LMAN1: variants seen among roughly 807,000 people sequenced by gnomAD.
The protein encoded by LMAN1 is lectin, mannose binding 1, also known as protein ERGIC-53.
Under a neutral mutation model 67.8 loss-of-function variants are expected in LMAN1, and 32 were observed. That is an observed-to-expected ratio of 0.47 (90% confidence interval 0.36 to 0.63). The LOEUF is 0.63. LMAN1 is among the 30% of genes least tolerant of loss of function. The pLI, the probability that LMAN1 is intolerant of heterozygous loss-of-function variation, is 0.00. For synonymous variants in LMAN1, 235 were observed against 219.3 expected, an observed-to-expected ratio of 1.07 and a Z score of -0.63; for missense variants, 632 against 628.2, an observed-to-expected ratio of 1.01 and a Z score of -0.06.
At chr18:59,342,732 TG>T in intron 8 of LMAN1, among the ~76,000 whole-genome samples, 1 of 152,148 alleles carries the variant, frequency 6.6e-6, no homozygotes, top group South Asian at 2.1e-4. Context: ...CTTTAAGAAC[TG>T]GAACAAGACA....
At chr18:59,336,914 A>T (rs1453326854) in intron 10 of LMAN1, among the ~76,000 whole-genome samples, 1 of 148,294 alleles carries the variant, frequency 6.7e-6, no homozygotes, top group African/African-American at 2.4e-5. Context: ...ACATAAAAAT[A>T]AAAATTAAAA....
intron 11 of LMAN1, 118 bp from the exon 12 acceptor site, chr18:59,331,657 C>A: frequency 1.7e-6 from 2 of 1,204,264 alleles, no homozygotes; most frequent in South Asian, 1.3e-5. Context: ...ATTTTTTCAT[C>A]CCCCAGAAAA....
At chr18:59,351,853 T>C (rs576262804) in intron 5 of LMAN1, among the ~76,000 whole-genome samples, 2 of 152,122 alleles carry the variant, frequency 1.3e-5, no homozygotes, top group Non-Finnish European at 2.9e-5. Flanking sequence ...GGTGAATAAT[T>C]ATAGTGGAAT....
At chr18:59,347,015 G>A (rs1240615670) in intron 7 of LMAN1, among the ~76,000 whole-genome samples, 1 of 151,866 alleles carries the variant, frequency 6.6e-6, no homozygotes, top group East Asian at 2.0e-4. Flanking sequence ...CGGATCACAA[G>A]GTCAGGAGAT....
At chr18:59,338,682 T>G (rs943679078) in intron 9 of LMAN1, 55 bp from the exon 10 acceptor site, 3 of 1,602,602 alleles carry the variant, frequency 1.9e-6, no homozygotes, top group African/African-American at 2.7e-5. Context: ...TATGAGCACA[T>G]AGTACAGTTG....
At chr18:59,354,093 A>G (rs7244462) in intron 4 of LMAN1, among the ~76,000 whole-genome samples, 34,860 of 152,104 alleles carry the variant, frequency 0.23, 4,173 homozygotes, top group Non-Finnish European at 0.27. Context: ...ATCTCTGCAA[A>G]CCACTGAGTC....
At chr18:59,349,846 G>C (rs1477451406) in intron 5 of LMAN1, among the ~76,000 whole-genome samples, 1 of 152,164 alleles carries the variant, frequency 6.6e-6, no homozygotes, top group East Asian at 1.9e-4. Context: ...TAGAATCCTA[G>C]GCAAGCACAG....
intron 10 of LMAN1, among the ~76,000 whole-genome samples, chr18:59,335,402 C>T (rs560679876): frequency 1.6e-4 from 24 of 149,382 alleles, no homozygotes; most frequent in Admixed American, 1.4e-3. Flanking sequence ...CAGTGTACTC[C>T]AGCCTAGGCA....
At chr18:59,351,879 TTATAA>T (rs1160124644) in intron 5 of LMAN1, among the ~76,000 whole-genome samples, 1 of 152,196 alleles carries the variant, frequency 6.6e-6, no homozygotes, top group Non-Finnish European at 1.5e-5. Flanking sequence ...CCCAAGCTAA[TTATAA>T]TACATTGGAC....
At chr18:59,355,683 A>C in intron 1 of LMAN1, 25 bp from the exon 2 acceptor site, 1 of 1,610,480 alleles carries the variant, frequency 6.2e-7, no homozygotes, top group East Asian at 2.2e-5. Flanking sequence ...AGGGGAAAAA[A>C]GCTTTAAGTT....
chr18:59,330,531 T>A lies in LMAN1; in HGVS notation c.*562A>T, dbSNP rs2070741338. The A allele has an allele frequency of 6.6e-6, 1 of 152,560 alleles. No individual in the cohort carries two copies. The highest frequency in any genetic ancestry group is 2.4e-5 in the African/African-American group (1 of 41,428). The allele number at this position is 152,560 out of a possible 1,614,324, so 9.5% of individuals were successfully genotyped here. On this transcript the variant is annotated 3_prime_UTR_variant, in exon 13 of 13. Coordinates refer to ENST00000251047, the MANE Select transcript of LMAN1 (RefSeq NM_005570.4). ...CATTGATAAATAGAGGAAAAAAAAA[T>A]TTCACTTAACATTTTGAAGTCTATT...
chr18:59,333,314 ATACTTT>A, intron 10 of LMAN1, 70 bp from the exon 11 acceptor site: 6 of 1,202,016 alleles, frequency 5.0e-6, no homozygotes, highest in Admixed American at 2.1e-5. Context: ...CAGATCTCCA[ATACTTT>A]TACTTTTCAA....
chr18:59,328,772 T>C lies in LMAN1; in HGVS notation c.*2321A>G, dbSNP rs2070729493. The C allele has an allele frequency of 6.6e-6, 1 of 152,176 alleles. No homozygotes were observed. Among genetic ancestry groups the C allele is most frequent in the Non-Finnish European group, 1.5e-5 (1 of 68,030 alleles). The allele number at this position is 152,176 out of a possible 1,614,324, so 9.4% of individuals were successfully genotyped here. ...TATCCCCTTAATACATAACAAAACA[T>C]TGTTTACTGTTTATGACTTCATGGT... On this transcript the variant is annotated 3_prime_UTR_variant, in exon 13 of 13. Coordinates refer to ENST00000251047, the MANE Select transcript of LMAN1 (RefSeq NM_005570.4).
At chr18:59,354,645 T>A in intron 3 of LMAN1, 65 bp from the exon 4 acceptor site, 1 of 806,174 alleles carries the variant, frequency 1.2e-6, no homozygotes, top group South Asian at 1.6e-5. Context: ...ATTCTTGATG[T>A]ACTATGAAGT....
chr18:59,353,066 C>T (rs1218185804), intron 5 of LMAN1, 136 bp downstream of exon 5: 3 of 761,638 alleles, frequency 3.9e-6, no homozygotes, highest in South Asian at 1.5e-5. Flanking sequence ...AAGCCACCTC[C>T]GTTCTCTTAG....
rs778755024 is a variant in LMAN1, at chr18:59,331,062, C to A, written c.*31G>T. ...CCTCAAAACGACATCATTTTGTACA[C>A]AAATAGATGAAGTACACAGGAAAAT... is the stretch of plus-strand genomic sequence containing the variant. On this transcript the variant is annotated 3_prime_UTR_variant, in exon 13 of 13. Transcript: ENST00000251047. The A allele has an allele frequency of 3.0e-5, 46 of 1,530,632 alleles. No individual in the cohort carries two copies. Among genetic ancestry groups the A allele is most frequent in the Non-Finnish European group, 4.1e-5 (45 of 1,106,020 alleles). 94.8% of individuals were successfully genotyped at this position (1,530,632 alleles called of 1,614,324 possible).
intron 3 of LMAN1, 68 bp from the exon 4 acceptor site, chr18:59,354,648 T>A: frequency 2.5e-6 from 2 of 792,758 alleles, no homozygotes; most frequent in Non-Finnish European, 4.2e-6. Flanking sequence ...CTTGATGTAC[T>A]ATGAAGTGAC....
At chr18:59,334,738 CTCTT>C (rs934140079) in intron 10 of LMAN1, among the ~76,000 whole-genome samples, 2 of 152,136 alleles carry the variant, frequency 1.3e-5, no homozygotes, top group African/African-American at 4.8e-5. Context: ...TTTCTAAGAT[CTCTT>C]TCTGCTAAAA....
intron 5 of LMAN1, among the ~76,000 whole-genome samples, chr18:59,349,453 T>C (rs1188053620): frequency 6.6e-6 from 1 of 152,162 alleles, no homozygotes; most frequent in Non-Finnish European, 1.5e-5. Context: ...AAAAATCTGA[T>C]AACTTTCTAT....
Sources: gnomAD v4.1 joint callset for allele counts (sites outside exome capture counted in the v4.1 genomes callset) on GRCh38, gnomAD v4.1.1 for gene constraint, MANE v1.5 for transcripts, NCBI Gene and HGNC (gene_info 2026-07-23, HGNC 2026-07-21) for gene names.